The following PLD1 variants were observed in gnomAD, a reference collection of about 807,000 sequenced individuals.
The protein encoded by PLD1 is choline phosphatase 1.
A neutral mutation model predicts 137.1 loss-of-function variants in PLD1; 112 were observed. The observed-to-expected ratio is 0.82, with a 90% CI of 0.70 to 0.96. The LOEUF is 0.96. Ranked by LOEUF, PLD1 falls within the 40% of genes least tolerant of loss-of-function variation. PLD1 has a pLI of 0.00. For missense variants in PLD1, 1,321 were observed against 1,342.0 expected, an observed-to-expected ratio of 0.98 and a Z score of 0.24; for synonymous variants, 431 against 454.7, an observed-to-expected ratio of 0.95 and a Z score of 0.66.
intron 13 of PLD1, among the ~76,000 whole-genome samples, chr3:171,689,489 T>G (rs940172506): frequency 1.1e-5 from 1 of 94,474 alleles, no homozygotes; most frequent in Non-Finnish European, 2.6e-5. Flanking sequence ...CTTCCTTCCC[T>G]CCTTCCTTCC....
chr3:171,653,103 A>C (rs1290262749), intron 21 of PLD1: 3 of 152,156 alleles, frequency 2.0e-5, no homozygotes, highest in Admixed American at 6.5e-5. Context: ...GACTTGGCTA[A>C]GTTATCTAAT....
intron 11 of PLD1, among the ~76,000 whole-genome samples, chr3:171,700,195 T>C (rs1214761459): frequency 1.3e-5 from 2 of 152,100 alleles, no homozygotes; most frequent in African/African-American, 4.8e-5. Context: ...TCTAGATACT[T>C]GCTTTCCCAG....
At chr3:171,708,995 T>A in intron 10 of PLD1, 157 bp from the exon 11 acceptor site, 1 of 584,942 alleles carries the variant, frequency 1.7e-6, no homozygotes, top group East Asian at 2.8e-5. Context: ...GGATTGAAAA[T>A]ACCAAGTTTC....
chr3:171,643,001 G>A, intron 22 of PLD1, 112 bp from the exon 23 acceptor site: 1 of 674,318 alleles, frequency 1.5e-6, no homozygotes, highest in East Asian at 2.8e-5. Context: ...GTGCTTCTAT[G>A]AGAAGATGCT....
intron 9 of PLD1, 25 bp downstream of exon 9, chr3:171,713,867 CT>C (rs1717456236): frequency 1.3e-6 from 2 of 1,579,554 alleles, no homozygotes; most frequent in South Asian, 1.2e-5. Context: ...TTGTAGAAAT[CT>C]TTTTTAAATA....
At chr3:171,809,083 C>T (rs1282860395) in intron 1 of PLD1, 1 of 152,186 alleles carries the variant, frequency 6.6e-6, no homozygotes, top group Non-Finnish European at 1.5e-5. Flanking sequence ...CCTCAGCCTC[C>T]CAAAGTGCTG....
At chr3:171,750,018 A>G (rs2108288867) in intron 1 of PLD1, among the ~76,000 whole-genome samples, 1 of 152,330 alleles carries the variant, frequency 6.6e-6, no homozygotes, top group East Asian at 1.9e-4. Flanking sequence ...GTATAAAGGA[A>G]TTCAGAGTCT....
At position 171,733,492 on chromosome 3, in the gene PLD1, G is replaced by A. The variant is rs1719104543; in HGVS notation, c.558C>T (p.Tyr186=). 1.5e-6 allele frequency: 2 copies of A among 1,304,972 alleles called. No individual in the cohort carries two copies. The highest frequency in any genetic ancestry group is 1.7e-5 in the Admixed American group (1 of 57,632). 80.8% of individuals were successfully genotyped at this position (1,304,972 alleles called of 1,614,324 possible). A position where few individuals can be genotyped will look rare whatever the true frequency, so the allele number is the denominator to read the frequency against. Residue 186 remains tyrosine, a synonymous_variant, in exon 6 of 27, where the codon TAC becomes TAT. Transcript: ENST00000351298. ...TGGGCATTTTTAGTATCTTTGTCAAGTAATCTTCCAGTTGTTTCTGTAATG... is the reference window on the plus strand; with the variant it reads ...TGGGCATTTTTAGTATCTTTGTCAAATAATCTTCCAGTTGTTTCTGTAATG... ...FLGRRKQLED[Y]LTKILKMPMY... is the part of the protein sequence containing the mutation.
intron 11 of PLD1, among the ~76,000 whole-genome samples, chr3:171,707,635 C>T (rs1015599371): frequency 1.3e-5 from 2 of 152,102 alleles, no homozygotes; most frequent in African/African-American, 2.4e-5. Context: ...TCAGTGATTC[C>T]CAGCCGACAA....
chr3:171,640,559 G>A (rs1262700925), intron 23 of PLD1, among the ~76,000 whole-genome samples: 1 of 152,204 alleles, frequency 6.6e-6, no homozygotes, highest in East Asian at 1.9e-4. Context: ...TGTACCAAAT[G>A]AGTTTCTTAT....
intron 21 of PLD1, 47 bp from the exon 22 acceptor site, chr3:171,645,070 G>C (rs755578685): frequency 1.6e-6 from 2 of 1,255,956 alleles, no homozygotes; most frequent in African/African-American, 2.9e-5. Context: ...ATAAAAGGTA[G>C]TATCAATTTT....
intron 1 of PLD1, among the ~76,000 whole-genome samples, chr3:171,803,310 G>A (rs546093751): frequency 1.3e-5 from 2 of 152,194 alleles, no homozygotes; most frequent in African/African-American, 2.4e-5. Context: ...CACTGTGACG[G>A]TTGACAGAAA....
intron 1 of PLD1, among the ~76,000 whole-genome samples, chr3:171,742,381 A>G (rs1386456999): frequency 2.0e-5 from 3 of 152,220 alleles, no homozygotes; most frequent in Admixed American, 6.5e-5. Context: ...ATGTGCCACT[A>G]CGCATGGCTA....
At chr3:171,699,715 T>G (rs750739267) in intron 12 of PLD1, 30 bp downstream of exon 12, 1 of 1,499,214 alleles carries the variant, frequency 6.7e-7, no homozygotes, top group South Asian at 1.1e-5. Context: ...GTTAAAAAAT[T>G]ATATCAGCAT....
intron 6 of PLD1, among the ~76,000 whole-genome samples, chr3:171,731,597 T>G (rs1465581907): frequency 6.6e-6 from 1 of 151,968 alleles, no homozygotes; most frequent in Admixed American, 6.6e-5. Context: ...CTGGCCAACA[T>G]GGTGAAACCT....
At chr3:171,689,923 G>T (rs544060488) in intron 13 of PLD1, among the ~76,000 whole-genome samples, 1 of 152,298 alleles carries the variant, frequency 6.6e-6, no homozygotes, top group South Asian at 2.1e-4. Context: ...GAGTTAGAGA[G>T]TCTTCTCTTC....
chr3:171,652,391 C>A (rs1024820798), intron 21 of PLD1, among the ~76,000 whole-genome samples: 9 of 139,750 alleles, frequency 6.4e-5, no homozygotes, highest in African/African-American at 2.5e-4. Context: ...CCAGCCTCGG[C>A]GACAGAGTGA....
intron 1 of PLD1, among the ~76,000 whole-genome samples, chr3:171,744,546 T>G (rs1720010543): frequency 6.6e-6 from 1 of 152,140 alleles, no homozygotes; most frequent in Non-Finnish European, 1.5e-5. Flanking sequence ...TATCACACCC[T>G]CCACGTGGCC....
chr3:171,708,841 G>A lies in PLD1; in HGVS notation c.1062-3C>T. 1 of 1,529,598 alleles carries A rather than the reference G, an allele frequency of 6.5e-7. No homozygotes were observed. The highest frequency in any genetic ancestry group is 9.1e-7 in the Non-Finnish European group (1 of 1,103,578). 94.8% of individuals were successfully genotyped at this position (1,529,598 alleles called of 1,614,324 possible). On this transcript the variant is annotated splice_polypyrimidine_tract_variant and splice_region_variant and intron_variant, in intron 10 of 26. Transcript: ENST00000351298. ...AATATCCTTTGGCATTAACATACCT[G>A]AAAGACAAGTTTATTGTTCCTTTTT...
Sources: gnomAD v4.1 joint callset for allele counts (sites outside exome capture counted in the v4.1 genomes callset) on GRCh38, gnomAD v4.1.1 for gene constraint, MANE v1.5 for transcripts, NCBI Gene and HGNC (gene_info 2026-07-23, HGNC 2026-07-21) for gene names.